Variants in SDK1 observed in about 807,000 individuals in gnomAD.
SDK1 encodes the protein sidekick cell adhesion molecule 1, also known as protein sidekick-1.
SDK1 carries 157 observed loss-of-function variants against 245.5 expected under a neutral mutation model. That is an observed-to-expected ratio of 0.64 (90% CI 0.56 to 0.73). The LOEUF (loss-of-function observed/expected upper bound fraction) is 0.73, where lower values mean the gene tolerates loss of function less well. SDK1 is among the 30% of genes least tolerant of loss of function. The pLI is 0.00. For synonymous variants in SDK1, 1,647 were observed against 1,278.5 expected, an observed-to-expected ratio of 1.29 and a Z score of -6.15; for missense variants, 3,583 against 3,002.3, an observed-to-expected ratio of 1.19 and a Z score of -4.52.
intron 4 of SDK1, among the ~76,000 whole-genome samples, chr7:3,746,951 A>G (rs1397873217): frequency 6.6e-6 from 1 of 152,222 alleles, no homozygotes; most frequent in Non-Finnish European, 1.5e-5. Context: ...TTCCAAGACC[A>G]TCAGAGGAGT....
At chr7:3,406,018 G>C (rs749283487) in intron 1 of SDK1, among the ~76,000 whole-genome samples, 2 of 151,996 alleles carry the variant, frequency 1.3e-5, no homozygotes, top group Non-Finnish European at 2.9e-5. Flanking sequence ...TCGCCATATT[G>C]CTCAGGCTGG....
chr7:4,260,720 G>A (rs969300454), intron 44 of SDK1, among the ~76,000 whole-genome samples: 5 of 148,168 alleles, frequency 3.4e-5, no homozygotes, highest in Non-Finnish European at 7.4e-5. Context: ...CTGCGTGTGT[G>A]GGAGGATGTG....
chr7:3,957,503 G>A (rs80134140), intron 7 of SDK1, among the ~76,000 whole-genome samples: 2 of 152,152 alleles, frequency 1.3e-5, no homozygotes, highest in Non-Finnish European at 2.9e-5. Flanking sequence ...ACTAAGAAGA[G>A]GAAAACTATA....
chr7:3,480,169 G>A (rs1356840830), intron 1 of SDK1, among the ~76,000 whole-genome samples: 2 of 152,182 alleles, frequency 1.3e-5, no homozygotes, highest in Admixed American at 6.5e-5. Context: ...ATAATCACAA[G>A]TCCTTAATGT....
chr7:4,100,273 C>A (rs577897663), intron 22 of SDK1, among the ~76,000 whole-genome samples: 14 of 152,130 alleles, frequency 9.2e-5, no homozygotes. Flanking sequence ...GCCCTGGGCT[C>A]CTAGGGCAGG....
intron 5 of SDK1, among the ~76,000 whole-genome samples, chr7:3,859,024 G>A (rs945581083): frequency 2.0e-5 from 3 of 149,070 alleles, no homozygotes; most frequent in Non-Finnish European, 2.9e-5. Context: ...CACCATGCCC[G>A]GCTAATTTTT....
At chr7:3,648,129 A>G (rs1018949919) in intron 4 of SDK1, among the ~76,000 whole-genome samples, 3 of 152,218 alleles carry the variant, frequency 2.0e-5, no homozygotes, top group African/African-American at 7.2e-5. Flanking sequence ...GTCTAATTTG[A>G]TAATAAAATT....
chr7:3,306,598 G>C (rs552155935), intron 1 of SDK1, among the ~76,000 whole-genome samples: 21 of 152,274 alleles, frequency 1.4e-4, no homozygotes, highest in African/African-American at 4.6e-4. Flanking sequence ...TACCTAACCA[G>C]AAGTTTCCTG....
At chr7:3,582,935 G>A (rs571341305) in intron 1 of SDK1, among the ~76,000 whole-genome samples, 26 of 152,126 alleles carry the variant, frequency 1.7e-4, no homozygotes, top group Non-Finnish European at 3.8e-4. Flanking sequence ...AAGGGGGGCA[G>A]ATAACCAAGC....
chr7:3,559,307 G>GT (rs1296465045), intron 1 of SDK1, among the ~76,000 whole-genome samples: 1 of 152,094 alleles, frequency 6.6e-6, no homozygotes, highest in East Asian at 1.9e-4. Flanking sequence ...CAGTTCTGCT[G>GT]TTTCCTTTGT....
In SDK1 at chr7:4,040,314, G is replaced by T. The variant is rs117463376; in HGVS notation, c.2603-9034G>T. The stretch of plus-strand genomic sequence containing the variant: ...GTTCCCCCACCGTGGTTGCATGCTT[G>T]GTTCATCTGAGTGTGCTCAGAGTCT... On this transcript the variant is annotated intron_variant, in intron 17 of 44. Transcript: ENST00000404826. Among the ~76,000 whole-genome samples, 16 of 152,268 alleles carry T rather than the reference G, an allele frequency of 1.1e-4. No homozygotes were observed. In the East Asian group the frequency reaches 2.9e-3, roughly 28 times the overall value.
At chr7:3,796,007 G>A (rs758139533) in intron 4 of SDK1, among the ~76,000 whole-genome samples, 2 of 152,174 alleles carry the variant, frequency 1.3e-5, no homozygotes, top group Non-Finnish European at 2.9e-5. Flanking sequence ...TTTAAAAATC[G>A]TAGACTGTTT....
intron 1 of SDK1, among the ~76,000 whole-genome samples, chr7:3,481,687 T>C (rs1781528124): frequency 6.6e-6 from 1 of 152,256 alleles, no homozygotes; most frequent in Non-Finnish European, 1.5e-5. Context: ...TCAGGGACCC[T>C]GTCCACTCTG....
intron 22 of SDK1, among the ~76,000 whole-genome samples, chr7:4,097,199 A>G (rs969797257): frequency 3.3e-5 from 5 of 150,602 alleles, no homozygotes; most frequent in Admixed American, 3.3e-4. Context: ...GCAAACAAAG[A>G]TGGCAAGACG....
intron 40 of SDK1, 127 bp downstream of exon 40, chr7:4,221,491 C>A: frequency 8.1e-7 from 1 of 1,235,752 alleles, no homozygotes; most frequent in Non-Finnish European, 1.1e-6. Context: ...ACCAAGAGGG[C>A]GGTTTTGGTG....
intron 5 of SDK1, among the ~76,000 whole-genome samples, chr7:3,937,462 C>T (rs1780200555): frequency 6.6e-6 from 1 of 152,210 alleles, no homozygotes. Flanking sequence ...AGGGCAGTGT[C>T]CTCACCGCTC....
intron 5 of SDK1, among the ~76,000 whole-genome samples, chr7:3,905,499 T>C (rs1043573818): frequency 6.6e-6 from 1 of 152,242 alleles, no homozygotes; most frequent in Non-Finnish European, 1.5e-5. Flanking sequence ...GTGGATAATC[T>C]TTCCCTATGG....
At position 3,407,632 on chromosome 7, in the gene SDK1, A is replaced by G. The variant is rs1177315858; in HGVS notation, c.298+105748A>G. Among the ~76,000 whole-genome samples the G allele has an allele frequency of 2.6e-5, 4 of 152,210 alleles. No individual in the cohort carries two copies. The East Asian group carries it at 7.7e-4, about 29-fold the overall frequency. On this transcript the variant is annotated intron_variant, in intron 1 of 44. Coordinates refer to ENST00000404826, the MANE Select transcript of SDK1 (RefSeq NM_152744.4). ...ATTTTTAGGAAACCAGCTTTCTGCT[A>G]GTGACCTACATTATAAAATATTATA... is the stretch of plus-strand genomic sequence containing the variant.
At chr7:4,048,925 C>T (rs997111818) in intron 17 of SDK1, among the ~76,000 whole-genome samples, 1 of 152,124 alleles carries the variant, frequency 6.6e-6, no homozygotes, top group African/African-American at 2.4e-5. Context: ...TGTTCCCCAC[C>T]CCCCGCCTCA....
Sources: allele counts gnomAD v4.1 joint callset (sites outside exome capture counted in the v4.1 genomes callset), GRCh38; gene constraint gnomAD v4.1.1; transcripts MANE v1.5; gene names NCBI Gene and HGNC (gene_info 2026-07-23, HGNC 2026-07-21).